Variants in BANP observed in about 807,000 individuals in gnomAD.
The protein encoded by BANP is BTG3 associated nuclear protein.
BANP carries 11 observed loss-of-function variants against 68.1 expected under a neutral mutation model. The ratio of observed to expected loss-of-function variants is 0.16; its 90% CI spans 0.10 to 0.27. BANP has a LOEUF of 0.27. Among genes scored for constraint, BANP ranks in the 10% least tolerant of loss-of-function variants. The probability of loss-of-function intolerance (pLI) is 1.00; values close to 1 mark genes in which losing one functional copy is unlikely to be tolerated. For synonymous variants in BANP, 329 were observed against 303.2 expected (o/e 1.09, Z -0.88); for missense variants, 504 against 722.7 (o/e 0.70, Z 3.47).
chr16:88,035,068 C>A, intron 9 of BANP: 1 of 499,786 alleles, frequency 2.0e-6, no homozygotes, highest in South Asian at 2.1e-5. Context: ...TGGGGTTCAG[C>A]ACCATCCACA....
intron 1 of BANP, among the ~76,000 whole-genome samples, chr16:87,974,844 A>C (rs2061727268): frequency 6.6e-6 from 1 of 152,186 alleles, no homozygotes; most frequent in Non-Finnish European, 1.5e-5. Flanking sequence ...GGTTAAGGAA[A>C]GAGGCAGCGG....
At position 88,041,016 on chromosome 16, in the gene BANP, C is replaced by T. The variant is rs552809089; in HGVS notation, c.1311+3005C>T. 4.5e-4 allele frequency among the ~76,000 whole-genome samples: 69 copies of T among 152,352 alleles called. 1 individual carries two copies. Among genetic ancestry groups the T allele is most frequent in the Admixed American group, 2.0e-3 (31 of 15,310 alleles). ...GAGGGTGGCCAGGCCTTCCCTCTTCCGGCCATCCGTTTTCCGTCATGGGGC... is the reference window on the plus strand; with the variant it reads ...GAGGGTGGCCAGGCCTTCCCTCTTCTGGCCATCCGTTTTCCGTCATGGGGC... On this transcript the variant is annotated intron_variant, in intron 11 of 13. Transcript: ENST00000682872.
Position 88,018,156 on chromosome 16 carries a change from G to T in BANP, c.656-272G>T, listed in dbSNP as rs1318972985. Among the ~76,000 whole-genome samples the T allele has an allele frequency of 6.6e-6, 1 of 152,040 alleles. No individual in the cohort carries two copies. The highest frequency in any genetic ancestry group is 6.6e-5 in the Admixed American group (1 of 15,264). On this transcript the variant is annotated intron_variant, in intron 6 of 13. Transcript: ENST00000682872. The surrounding 1 kb of genome is among the most constrained non-coding windows in gnomAD (Gnocchi z 7.7). The stretch of plus-strand genomic sequence containing the variant: ...TCCAGGGTGAGCAGAGTGTGTGACC[G>T]TGTTGGCGCTCAGGTCCCGAGGCCC...
At chr16:88,023,288 G>T (rs9940989) in intron 7 of BANP, among the ~76,000 whole-genome samples, 86,866 of 151,766 alleles carry the variant, frequency 0.57, 26,025 homozygotes, top group Non-Finnish European at 0.68. Flanking sequence ...GGGGCTCTCT[G>T]GCTAACAGAC....
At chr16:88,006,776 A>G (rs1290072892) in intron 6 of BANP, among the ~76,000 whole-genome samples, 2 of 151,302 alleles carry the variant, frequency 1.3e-5, no homozygotes, top group Non-Finnish European at 2.9e-5. Context: ...AAATGGTGAA[A>G]CCCCATCTCT....
At chr16:88,069,777 C>T (rs1236316634) in intron 12 of BANP, among the ~76,000 whole-genome samples, 2 of 152,240 alleles carry the variant, frequency 1.3e-5, no homozygotes, top group Non-Finnish European at 2.9e-5. Context: ...ACGTTTGTTC[C>T]TTGGAAAAGA....
chr16:88,037,894 G>T, intron 10 of BANP, 79 bp from the exon 11 acceptor site: 2 of 1,425,280 alleles, frequency 1.4e-6, no homozygotes, highest in Non-Finnish European at 2.0e-6. Flanking sequence ...CCTGTGATGT[G>T]TCTTGGCGTG....
At chr16:87,997,918 C>T (rs1266630252) in intron 4 of BANP, among the ~76,000 whole-genome samples, 4 of 152,312 alleles carry the variant, frequency 2.6e-5, no homozygotes, top group Admixed American at 6.5e-5. Context: ...TTTAAGTCAC[C>T]TTTAGTTTAG....
intron 4 of BANP, among the ~76,000 whole-genome samples, chr16:87,996,924 C>G (rs969010528): frequency 5.9e-5 from 9 of 152,234 alleles, no homozygotes; most frequent in Non-Finnish European, 1.0e-4. Flanking sequence ...TTTGCATGTA[C>G]TTGGACAAAG....
rs1437156098 is a variant in BANP, at chr16:88,018,791, G to C, written c.895+124G>C. On this transcript the variant is annotated intron_variant, in intron 7 of 13. Transcript: ENST00000682872. The surrounding 1 kb of genome is among the most constrained non-coding windows in gnomAD (Gnocchi z 7.7). ...GGGGCTGCGTTTCTCCAGGCGGTTT[G>C]AAATCTCAGCCCGAGGATCAGTGCT... is the stretch of plus-strand genomic sequence containing the variant. 7.8e-6 allele frequency: 10 copies of C among 1,279,010 alleles called. No individual in the cohort carries two copies. The highest frequency in any genetic ancestry group is 9.5e-6 in the Non-Finnish European group (9 of 942,972). 79.2% of individuals were successfully genotyped at this position (1,279,010 alleles called of 1,614,324 possible).
intron 13 of BANP, among the ~76,000 whole-genome samples, chr16:88,072,874 G>A (rs551689087): frequency 7.2e-4 from 109 of 152,256 alleles, no homozygotes; most frequent in Non-Finnish European, 1.2e-3. Flanking sequence ...CTTTGGGAAC[G>A]TGCCCAGCGG....
Position 87,981,144 on chromosome 16 carries a change from G to C in BANP, c.162+17G>C, listed in dbSNP as rs769198152. ...TCTATAAAGGTAAAAATCTGACTCTGTTCTGTGGTGTGTAGTGCGTTGCAG... is the reference window on the plus strand; with the variant it reads ...TCTATAAAGGTAAAAATCTGACTCTCTTCTGTGGTGTGTAGTGCGTTGCAG... On this transcript the variant is annotated intron_variant, in intron 3 of 13. Transcript: ENST00000682872. The C allele has an allele frequency of 2.5e-6, 4 of 1,575,864 alleles. No homozygotes were observed. The highest frequency in any genetic ancestry group is 3.5e-6 in the Non-Finnish European group (4 of 1,145,480).
At chr16:88,008,158 TTCC>T (rs1282039712) in intron 6 of BANP, among the ~76,000 whole-genome samples, 1 of 152,224 alleles carries the variant, frequency 6.6e-6, no homozygotes, top group Non-Finnish European at 1.5e-5. Context: ...CAGTGCTTTG[TTCC>T]TTTTCATGGC....
At chr16:87,954,190 C>T (rs566270136) in intron 1 of BANP, among the ~76,000 whole-genome samples, 21 of 152,224 alleles carry the variant, frequency 1.4e-4, no homozygotes, top group Non-Finnish European at 1.0e-4. Context: ...TTCTGTGTCT[C>T]GTTTATTCTC....
At chr16:87,969,705 TG>T (rs2060764593) in intron 1 of BANP, among the ~76,000 whole-genome samples, 1 of 151,448 alleles carries the variant, frequency 6.6e-6, no homozygotes, top group Admixed American at 6.6e-5. Flanking sequence ...TCTAATTTTT[TG>T]TATCTTTAGT....
At chr16:88,039,473 C>G (rs1323070073) in intron 11 of BANP, among the ~76,000 whole-genome samples, 1 of 145,196 alleles carries the variant, frequency 6.9e-6, no homozygotes, top group African/African-American at 2.4e-5. Flanking sequence ...GGAACTGTAT[C>G]ATAGTTGAAA....
intron 1 of BANP, among the ~76,000 whole-genome samples, chr16:87,968,955 C>G (rs2060623647): frequency 6.6e-6 from 1 of 152,112 alleles, no homozygotes; most frequent in South Asian, 2.1e-4. Flanking sequence ...AAAATAATTT[C>G]CTTTTCACCC....
In BANP at chr16:88,071,498, C is replaced by T. The variant is rs1160823664; in HGVS notation, c.1378-571C>T. The T allele has an allele frequency of 2.2e-6, 1 of 456,214 alleles. No homozygotes were observed. Among genetic ancestry groups the T allele is most frequent in the Non-Finnish European group, 4.4e-6 (1 of 226,848 alleles). The allele number at this position is 456,214 out of a possible 1,614,324, so 28.3% of individuals were successfully genotyped here. A position where few individuals can be genotyped will look rare whatever the true frequency, so the allele number is the denominator to read the frequency against. On this transcript the variant is annotated intron_variant, in intron 12 of 13. Transcript: ENST00000682872. The surrounding 1 kb of genome is among the most constrained non-coding windows in gnomAD (Gnocchi z 6.5). ...GAGGGCCAGCGGGGCTCTCTGCCACCAGGACTCACTTCCGCCCATCTTGGA... is the reference window on the plus strand; with the variant it reads ...GAGGGCCAGCGGGGCTCTCTGCCACTAGGACTCACTTCCGCCCATCTTGGA...
intron 8 of BANP, 140 bp downstream of exon 8, chr16:88,027,790 C>T (rs979566458): frequency 7.6e-5 from 79 of 1,036,198 alleles, no homozygotes; most frequent in Non-Finnish European, 9.7e-5. Context: ...GCGGTGCGCA[C>T]GGAGCAGTGG....
Sources: gnomAD v4.1 joint callset for allele counts (sites outside exome capture counted in the v4.1 genomes callset) on GRCh38, gnomAD v4.1.1 for gene constraint, Gnocchi (gnomAD v3.1) non-coding constraint, MANE v1.5 for transcripts, NCBI Gene and HGNC (gene_info 2026-07-23, HGNC 2026-07-21) for gene names.